AP3M1: variants seen among roughly 807,000 people sequenced by gnomAD.
AP3M1 encodes AP-3 complex subunit mu-1.
AP3M1 carries 29 observed loss-of-function variants against 42.6 expected under a neutral mutation model. That is an observed-to-expected ratio of 0.68 (90% confidence interval 0.51 to 0.93). AP3M1 has a LOEUF of 0.93. AP3M1 is among the 40% of genes least tolerant of loss of function. The pLI, the probability that AP3M1 is intolerant of heterozygous loss-of-function variation, is 0.00. For synonymous variants in AP3M1, 178 were observed against 175.3 expected (o/e 1.02, Z -0.12); for missense variants, 416 against 510.2 (o/e 0.82, Z 1.78).
At chr10:74,149,796 T>C (rs961852911) in intron 1 of AP3M1, among the ~76,000 whole-genome samples, 33 of 152,304 alleles carry the variant, frequency 2.2e-4, no homozygotes, top group Admixed American at 2.2e-3. Flanking sequence ...ATATCTTGTA[T>C]TCTTTAAAAC....
At chr10:74,139,396 T>C (rs1006835948) in intron 1 of AP3M1, among the ~76,000 whole-genome samples, 7 of 151,820 alleles carry the variant, frequency 4.6e-5, no homozygotes, top group Admixed American at 2.0e-4. Context: ...GGAGGATTGC[T>C]TGAGCTCAGG....
intron 2 of AP3M1, among the ~76,000 whole-genome samples, chr10:74,137,447 T>C (rs997169256): frequency 6.6e-6 from 1 of 151,910 alleles, no homozygotes; most frequent in African/African-American, 2.4e-5. Context: ...ATAGATAAGC[T>C]TAAATTATTT....
intron 4 of AP3M1, among the ~76,000 whole-genome samples, chr10:74,131,399 C>A (rs1005038467): frequency 6.6e-6 from 1 of 151,996 alleles, no homozygotes; most frequent in Non-Finnish European, 1.5e-5. Flanking sequence ...GATCTCCTAA[C>A]CTCGTGATCC....
intron 1 of AP3M1, among the ~76,000 whole-genome samples, chr10:74,149,063 G>C (rs1318765652): frequency 6.6e-6 from 1 of 151,374 alleles, no homozygotes. Flanking sequence ...AGTAGTGACG[G>C]GGTTTCTCCA....
Position 74,125,668 on chromosome 10 carries a change from GT to G in AP3M1, c.1011+479del, listed in dbSNP as rs1840591954. The stretch of plus-strand genomic sequence containing the variant: ...GCTACAGTTTCTCTGAAAACCCTCT[GT>G]TACACAAAAATTTAAGTAGAGTGAG... On this transcript the variant is annotated intron_variant, in intron 7 of 8. Coordinates refer to ENST00000355264, the MANE Select transcript of AP3M1 (RefSeq NM_012095.6). Among the ~76,000 whole-genome samples, 3 of 152,270 alleles carry G rather than the reference GT, an allele frequency of 2.0e-5. No individual in the cohort carries two copies. In the South Asian group the frequency reaches 6.2e-4, roughly 32 times the overall value.
chr10:74,136,297 G>A (rs542195337), intron 3 of AP3M1, among the ~76,000 whole-genome samples: 244 of 152,096 alleles, frequency 1.6e-3, no homozygotes, highest in Non-Finnish European at 2.9e-3. Flanking sequence ...TCTATAAATG[G>A]ACTAAATTCT....
chr10:74,132,524 G>C (rs1438386361), intron 4 of AP3M1, among the ~76,000 whole-genome samples: 1 of 151,338 alleles, frequency 6.6e-6, no homozygotes, highest in African/African-American at 2.4e-5. Flanking sequence ...GACCCTGTCT[G>C]TACAAAAAAA....
At chr10:74,132,380 A>T (rs1840806207) in intron 4 of AP3M1, among the ~76,000 whole-genome samples, 1 of 151,818 alleles carries the variant, frequency 6.6e-6, no homozygotes, top group Admixed American at 6.6e-5. Flanking sequence ...ATAGAGTACT[A>T]TTGTTTTGTC....
At chr10:74,131,260 C>T (rs1164923330) in intron 4 of AP3M1, among the ~76,000 whole-genome samples, 2 of 151,686 alleles carry the variant, frequency 1.3e-5, no homozygotes, top group Non-Finnish European at 2.9e-5. Context: ...CTCTGTCTCC[C>T]GGGTTCACGC....
In AP3M1 at chr10:74,139,733, C is replaced by T. The variant is rs539976564; in HGVS notation, c.-3-1351G>A. Among the ~76,000 whole-genome samples, 498 of 151,732 alleles carry T rather than the reference C, an allele frequency of 3.3e-3. 2 individuals carry two copies. Among genetic ancestry groups the T allele is most frequent in the Non-Finnish European group, 5.7e-3 (390 of 67,902 alleles). ...GAGATCGAGACCATCCTGGCTAAGA[C>T]GGTGAAACCCCGTCCCTACTAAAAT... On this transcript the variant is annotated intron_variant, in intron 1 of 8. Coordinates refer to ENST00000355264, the MANE Select transcript of AP3M1 (RefSeq NM_012095.6).
At chr10:74,141,914 G>A (rs1246528125) in intron 1 of AP3M1, among the ~76,000 whole-genome samples, 2 of 150,876 alleles carry the variant, frequency 1.3e-5, no homozygotes, top group African/African-American at 4.9e-5. Context: ...ATAGAGACGA[G>A]GTTTCACTAT....
rs1398178630 is a variant in AP3M1, at chr10:74,136,701, C to T, written c.376G>A (p.Glu126Lys). The T allele has an allele frequency of 1.9e-6, 3 of 1,594,992 alleles. No individual in the cohort carries two copies. Among genetic ancestry groups the T allele is most frequent in the Admixed American group, 1.7e-5 (1 of 59,646 alleles). ...MLDNGFPLAT[E>K]SNILKELIKP... ...ATCAATTCTTTCAAAATGTTAGATT[C>T]GGTAGCCAGTGGAAATCCATTGTCT... Residue 126 changes from glutamate (E) to lysine (K), a missense_variant, in exon 3 of 9, where the codon GAA (glutamate) becomes AAA (lysine). Physicochemically the swap from Glu to Lys is moderately conservative, Grantham distance 56. Transcript: ENST00000355264.
At chr10:74,140,662 CT>C (rs1841117786) in intron 1 of AP3M1, among the ~76,000 whole-genome samples, 1 of 150,772 alleles carries the variant, frequency 6.6e-6, no homozygotes, top group African/African-American at 2.4e-5. Flanking sequence ...GATTTCAAAA[CT>C]TACTACAAAA....
chr10:74,130,103 C>T, intron 4 of AP3M1, 111 bp from the exon 5 acceptor site: 1 of 807,442 alleles, frequency 1.2e-6, no homozygotes. Flanking sequence ...CAGAGTCTTG[C>T]TCTGTTGCCA....
At chr10:74,143,511 C>T (rs1841223521) in intron 1 of AP3M1, among the ~76,000 whole-genome samples, 1 of 152,038 alleles carries the variant, frequency 6.6e-6, no homozygotes, top group Non-Finnish European at 1.5e-5. Flanking sequence ...GTACTCAGTC[C>T]CCATTCAAAG....
At chr10:74,130,658 G>A (rs1238079614) in intron 4 of AP3M1, among the ~76,000 whole-genome samples, 4 of 152,002 alleles carry the variant, frequency 2.6e-5, no homozygotes, top group African/African-American at 7.3e-5. Flanking sequence ...GCCCAGGCTG[G>A]TCTCAAACTT....
At chr10:74,141,714 CTTTTTTTTTTT>C (rs920907444) in intron 1 of AP3M1, among the ~76,000 whole-genome samples, 3 of 133,424 alleles carry the variant, frequency 2.2e-5, no homozygotes, top group South Asian at 4.7e-4. Context: ...TTTTATTTTC[CTTTTTTTTTTT>C]TTTTTGAGAT....
intron 7 of AP3M1, among the ~76,000 whole-genome samples, chr10:74,125,141 A>C (rs1445245166): frequency 6.6e-6 from 1 of 152,168 alleles, no homozygotes; most frequent in Non-Finnish European, 1.5e-5. Context: ...CACCATGCCC[A>C]GCTAATTTTG....
intron 1 of AP3M1, among the ~76,000 whole-genome samples, chr10:74,149,267 G>GTTTTTTTTTTT (rs57279906): frequency 5.0e-5 from 3 of 60,060 alleles, no homozygotes; most frequent in African/African-American, 1.8e-4. Flanking sequence ...GATACGTAAG[G>GTTTTTTTTTTT]TTTTTTTTTT....
Sources: gnomAD v4.1 joint callset for allele counts (sites outside exome capture counted in the v4.1 genomes callset) on GRCh38, gnomAD v4.1.1 for gene constraint, MANE v1.5 for transcripts, NCBI Gene and HGNC (gene_info 2026-07-23, HGNC 2026-07-21) for gene names.